Variants in PLEKHM3 observed in about 807,000 individuals in gnomAD.
PLEKHM3 encodes the protein pleckstrin homology domain-containing family M member 3.
Under a neutral mutation model 81.8 loss-of-function variants are expected in PLEKHM3, and 45 were observed. The ratio of observed to expected loss-of-function variants is 0.55; its 90% confidence interval spans 0.43 to 0.71. PLEKHM3 has a LOEUF of 0.71. PLEKHM3 is among the 30% of genes least tolerant of loss of function. PLEKHM3 has a pLI of 0.00. For synonymous variants in PLEKHM3, 352 were observed against 356.4 expected (o/e 0.99, Z 0.14); for missense variants, 788 against 924.3 (o/e 0.85, Z 1.91).
chr2:207,923,905 A>ATATTTTT (rs1396762429), intron 5 of PLEKHM3, among the ~76,000 whole-genome samples: 4 of 28,338 alleles, frequency 1.4e-4, no homozygotes, highest in African/African-American at 2.5e-4. Context: ...ATATATATAT[A>ATATTTTT]TTTTTTTTTT....
intron 7 of PLEKHM3, among the ~76,000 whole-genome samples, chr2:207,829,368 C>T (rs1288245976): frequency 1.3e-5 from 2 of 152,122 alleles, no homozygotes; most frequent in Non-Finnish European, 2.9e-5. Flanking sequence ...CTGCCTCCTC[C>T]TGGGCTCAAG....
chr2:207,868,033 C>T (rs1333131930), intron 6 of PLEKHM3, among the ~76,000 whole-genome samples: 1 of 152,166 alleles, frequency 6.6e-6, no homozygotes, highest in African/African-American at 2.4e-5. Context: ...TCCTGGCCAA[C>T]AAGTACACAA....
intron 6 of PLEKHM3, among the ~76,000 whole-genome samples, chr2:207,864,214 C>T (rs1195503568): frequency 6.6e-6 from 1 of 152,150 alleles, no homozygotes; most frequent in African/African-American, 2.4e-5. Flanking sequence ...CTTTTCTCTC[C>T]ATTACCTTTA....
At chr2:207,969,945 C>T (rs1691053970) in intron 3 of PLEKHM3, among the ~76,000 whole-genome samples, 1 of 152,178 alleles carries the variant, frequency 6.6e-6, no homozygotes, top group Admixed American at 6.5e-5. Flanking sequence ...TTCAGACATC[C>T]ATTCCCACAA....
At chr2:208,014,396 G>A (rs1383481585) in intron 1 of PLEKHM3, among the ~76,000 whole-genome samples, 1 of 152,224 alleles carries the variant, frequency 6.6e-6, no homozygotes, top group Admixed American at 6.5e-5. Flanking sequence ...TGTAATCCCA[G>A]CACTTTGGAG....
chr2:207,992,416 T>C (rs1691928286), intron 2 of PLEKHM3, among the ~76,000 whole-genome samples: 1 of 152,236 alleles, frequency 6.6e-6, no homozygotes, highest in Non-Finnish European at 1.5e-5. Flanking sequence ...CATTAAGTGA[T>C]AGCTCTTACT....
intron 6 of PLEKHM3, chr2:207,899,978 A>G (rs1269571678): frequency 1.3e-5 from 2 of 152,134 alleles, no homozygotes; most frequent in East Asian, 3.9e-4. Context: ...TCTGGTTACT[A>G]TTACTGCAAA....
chr2:207,970,519 T>C (rs1691082633), intron 3 of PLEKHM3, among the ~76,000 whole-genome samples: 1 of 152,194 alleles, frequency 6.6e-6, no homozygotes, highest in East Asian at 1.9e-4. Flanking sequence ...GTCAAGGGAA[T>C]TTATAACAAA....
At chr2:207,889,369 T>A (rs1687978422) in intron 6 of PLEKHM3, among the ~76,000 whole-genome samples, 1 of 151,436 alleles carries the variant, frequency 6.6e-6, no homozygotes, top group Non-Finnish European at 1.5e-5. Context: ...TAGGCCACTA[T>A]GTTAACAAAG....
chr2:207,946,508 G>A lies in PLEKHM3; in HGVS notation c.1551C>T (p.Cys517=), dbSNP rs1309958847. 6.2e-7 allele frequency: 1 copy of A among 1,613,708 alleles called. No homozygotes were observed. Among genetic ancestry groups the A allele is most frequent in the Admixed American group, 1.7e-5 (1 of 59,974 alleles). Residue 517 remains cysteine (C), a synonymous_variant, in exon 4 of 8, where the codon TGC becomes TGT. Coordinates refer to ENST00000427836, the MANE Select transcript of PLEKHM3 (RefSeq NM_001080475.3). The stretch of plus-strand genomic sequence containing the variant: ...CATTGGAAAGACCTATGGATCGCTG[G>A]CAGCCTGTTCAAGGAAAAAGGAAGA... ...LTAQSFKCAG[C]QRSIGLSNGK... is the part of the protein sequence containing the mutation.
At chr2:208,021,440 T>C (rs1693128781) in intron 1 of PLEKHM3, among the ~76,000 whole-genome samples, 2 of 152,314 alleles carry the variant, frequency 1.3e-5, no homozygotes, top group South Asian at 4.1e-4. Context: ...GTTTCCAACT[T>C]TATTTTCAAT....
At chr2:207,889,446 C>CACAT (rs1242510477) in intron 6 of PLEKHM3, among the ~76,000 whole-genome samples, 7 of 70,276 alleles carry the variant, frequency 1.0e-4, no homozygotes, top group Non-Finnish European at 2.2e-4. Flanking sequence ...CACACACACA[C>CACAT]ACACACACAC....
chr2:207,987,957 A>T (rs747048543), intron 2 of PLEKHM3, among the ~76,000 whole-genome samples: 12 of 152,244 alleles, frequency 7.9e-5, no homozygotes, highest in Non-Finnish European at 1.5e-4. Context: ...TCACACCATC[A>T]TCTATATTCT....
At chr2:207,906,578 C>T (rs1023964510) in intron 6 of PLEKHM3, among the ~76,000 whole-genome samples, 1 of 152,132 alleles carries the variant, frequency 6.6e-6, no homozygotes, top group Non-Finnish European at 1.5e-5. Context: ...CACTTGAGGT[C>T]AGAAGTTTGA....
At chr2:208,024,153 A>AAAATAAAAT (rs1227538779) in intron 1 of PLEKHM3, among the ~76,000 whole-genome samples, 1 of 140,774 alleles carries the variant, frequency 7.1e-6, no homozygotes, top group African/African-American at 3.1e-5. Flanking sequence ...AAAATAAAAT[A>AAAATAAAAT]AAATAAAATA....
chr2:207,942,987 A>G (rs1574428247), intron 4 of PLEKHM3, among the ~76,000 whole-genome samples: 1 of 152,302 alleles, frequency 6.6e-6, no homozygotes, highest in East Asian at 1.9e-4. Context: ...AAAAAAATTG[A>G]TCTCATGGAG....
At chr2:207,998,758 A>G (rs1692199646) in intron 2 of PLEKHM3, among the ~76,000 whole-genome samples, 1 of 152,246 alleles carries the variant, frequency 6.6e-6, no homozygotes, top group Non-Finnish European at 1.5e-5. Context: ...ATTTACAATC[A>G]AAACAAGATA....
intron 7 of PLEKHM3, among the ~76,000 whole-genome samples, chr2:207,838,907 G>A: frequency 6.6e-6 from 1 of 152,146 alleles, no homozygotes; most frequent in East Asian, 1.9e-4. Flanking sequence ...TCCTAAAGTA[G>A]TTTAAAATGC....
In PLEKHM3 at chr2:207,946,519, A is replaced by G. The variant is rs769819678; in HGVS notation, c.1547-7T>C. 21 of 1,613,502 alleles carry G rather than the reference A, an allele frequency of 1.3e-5. No homozygotes were observed. Among genetic ancestry groups the G allele is most frequent in the South Asian group, 2.2e-5 (2 of 90,970 alleles). On this transcript the variant is annotated splice_polypyrimidine_tract_variant and splice_region_variant and intron_variant, in intron 3 of 7. Coordinates refer to ENST00000427836, the MANE Select transcript of PLEKHM3 (RefSeq NM_001080475.3). ...CCTATGGATCGCTGGCAGCCTGTTC[A>G]AGGAAAAAGGAAGAGTCTATGATTG...
Sources: allele counts gnomAD v4.1 joint callset (sites outside exome capture counted in the v4.1 genomes callset), GRCh38; gene constraint gnomAD v4.1.1; transcripts MANE v1.5; gene names NCBI Gene and HGNC (gene_info 2026-07-23, HGNC 2026-07-21).